Variants in R3HDM1 observed in about 807,000 individuals in gnomAD.
R3HDM1 encodes R3H domain-containing protein 1.
In R3HDM1, 46 loss-of-function variants were observed where a neutral mutation model predicts 141.1. That is an observed-to-expected ratio of 0.33 (90% CI 0.26 to 0.42). R3HDM1 has a LOEUF of 0.42. R3HDM1 is among the 10% of genes least tolerant of loss of function. The probability of loss-of-function intolerance (pLI) is 1.00; values close to 1 mark genes in which losing one functional copy is unlikely to be tolerated. For synonymous variants in R3HDM1, 435 were observed against 472.9 expected, an observed-to-expected ratio of 0.92 and a Z score of 1.04; for missense variants, 1,184 against 1,368.3, an observed-to-expected ratio of 0.87 and a Z score of 2.12.
At chr2:135,582,400 G>A (rs376987479) in intron 1 of R3HDM1, among the ~76,000 whole-genome samples, 1 of 152,160 alleles carries the variant, frequency 6.6e-6, no homozygotes, top group East Asian at 1.9e-4. Context: ...TGGATCATAG[G>A]AAGTGAATTT....
At chr2:135,572,735 TAATC>T (rs144033632) in intron 1 of R3HDM1, among the ~76,000 whole-genome samples, 11,786 of 152,196 alleles carry the variant, frequency 0.077, 1,503 homozygotes, top group African/African-American at 0.27. Context: ...ATATTTATAA[TAATC>T]AATAGATGGA....
chr2:135,649,013 T>C (rs990502265), intron 16 of R3HDM1: 5 of 151,996 alleles, frequency 3.3e-5, no homozygotes, highest in African/African-American at 9.7e-5. Context: ...TATATGTGTT[T>C]GTTGTTCCTT....
At chr2:135,537,045 T>C (rs2104880011) in intron 1 of R3HDM1, among the ~76,000 whole-genome samples, 1 of 152,230 alleles carries the variant, frequency 6.6e-6, no homozygotes, top group African/African-American at 2.4e-5. Flanking sequence ...GGTTGGGGAC[T>C]GCTGCTCTTA....
intron 1 of R3HDM1, among the ~76,000 whole-genome samples, chr2:135,554,784 T>G (rs1381692351): frequency 6.6e-6 from 1 of 152,168 alleles, no homozygotes; most frequent in Non-Finnish European, 1.5e-5. Flanking sequence ...CAGATCCTAC[T>G]TGACCATTTT....
intron 23 of R3HDM1, among the ~76,000 whole-genome samples, chr2:135,712,781 C>T (rs1424107455): frequency 6.6e-6 from 1 of 151,470 alleles, no homozygotes; most frequent in Non-Finnish European, 1.5e-5. Flanking sequence ...ATTAGCTGGG[C>T]GTGGTGGTGG....
chr2:135,619,520 C>T (rs915973566), intron 5 of R3HDM1, among the ~76,000 whole-genome samples: 19 of 152,074 alleles, frequency 1.2e-4, no homozygotes, highest in African/African-American at 4.1e-4. Flanking sequence ...TATATTCTTT[C>T]TCAGTTTCTC....
At chr2:135,636,509 A>G (rs1407238734) in intron 11 of R3HDM1, among the ~76,000 whole-genome samples, 1 of 152,102 alleles carries the variant, frequency 6.6e-6, no homozygotes, top group Non-Finnish European at 1.5e-5. Context: ...ATTAATAGAA[A>G]TTGCTCCACT....
chr2:135,651,807 C>T lies in R3HDM1; in HGVS notation c.1803C>T (p.Ala601=), dbSNP rs147519491. Reference sequence around the variant, plus strand: ...CTGCTGATGGTTCTGACCCTCATGCCGCCATGTTCCAGTCCACTGTGGTTC... The same window carrying T: ...CTGCTGATGGTTCTGACCCTCATGCTGCCATGTTCCAGTCCACTGTGGTTC... ...QPSADGSDPH[A]AMFQSTVVLQ... Residue 601 remains alanine, a synonymous_variant, in exon 18 of 27, where the codon GCC becomes GCT. Coordinates refer to ENST00000683871, the MANE Select transcript of R3HDM1 (RefSeq NM_001378107.1). 60 of 1,614,084 alleles carry T rather than the reference C, an allele frequency of 3.7e-5. No individual in the cohort carries two copies. The highest frequency in any genetic ancestry group is 2.9e-4 in the African/African-American group (22 of 75,012).
intron 18 of R3HDM1, among the ~76,000 whole-genome samples, chr2:135,660,859 A>C (rs2066609536): frequency 1.3e-5 from 2 of 151,216 alleles, no homozygotes; most frequent in Non-Finnish European, 2.9e-5. Flanking sequence ...AAAAAAAAAA[A>C]CCTAAAAATA....
intron 21 of R3HDM1, among the ~76,000 whole-genome samples, chr2:135,694,103 C>T (rs1277036856): frequency 1.3e-5 from 2 of 152,176 alleles, no homozygotes; most frequent in Non-Finnish European, 2.9e-5. Flanking sequence ...TAGATTTTTA[C>T]AGCTTTTATT....
rs76301999 is a variant in R3HDM1, at chr2:135,712,454, T to A, written c.2736+2223T>A. On this transcript the variant is annotated intron_variant, in intron 23 of 26. Transcript: ENST00000683871. Reference sequence around the variant, plus strand: ...TTTTTTTTTTTTTTTTTTTTTTTTATAGAGATGGGGTATTGCCGTGTTGCC... The same window carrying A: ...TTTTTTTTTTTTTTTTTTTTTTTTAAAGAGATGGGGTATTGCCGTGTTGCC... Among the ~76,000 whole-genome samples, 1,547 of 116,026 alleles carry A rather than the reference T, an allele frequency of 0.013. 98 individuals carry two copies. In the East Asian group the frequency reaches 0.2, roughly 15 times the overall value. The allele number at this position is 116,026 out of a possible 152,430, so 76.1% of individuals were successfully genotyped here. A position where few individuals can be genotyped will look rare whatever the true frequency, so the allele number is the denominator to read the frequency against.
intron 5 of R3HDM1, among the ~76,000 whole-genome samples, chr2:135,618,164 A>ATT (rs200816941): frequency 3.5e-5 from 5 of 141,070 alleles, no homozygotes; most frequent in Admixed American, 7.1e-5. Flanking sequence ...TTAATTTATG[A>ATT]TTTTTTTTTT....
chr2:135,704,613 G>C (rs1392381864), intron 21 of R3HDM1, among the ~76,000 whole-genome samples: 2 of 151,856 alleles, frequency 1.3e-5, no homozygotes, highest in Non-Finnish European at 1.5e-5. Flanking sequence ...TGGGATTACA[G>C]TCATGCACCA....
chr2:135,579,417 A>G (rs1486517932), intron 1 of R3HDM1, among the ~76,000 whole-genome samples: 2 of 152,196 alleles, frequency 1.3e-5, no homozygotes, highest in Non-Finnish European at 2.9e-5. Flanking sequence ...GCATAGATGA[A>G]AAGAGAGAAA....
At chr2:135,556,448 T>G (rs2104944269) in intron 1 of R3HDM1, among the ~76,000 whole-genome samples, 1 of 151,950 alleles carries the variant, frequency 6.6e-6, no homozygotes, top group South Asian at 2.1e-4. Context: ...AATGAAAAAA[T>G]CAACTAGACC....
intron 7 of R3HDM1, among the ~76,000 whole-genome samples, chr2:135,626,023 T>C (rs1157858299): frequency 6.6e-6 from 1 of 152,176 alleles, no homozygotes; most frequent in African/African-American, 2.4e-5. Context: ...AAGCTGGTAG[T>C]CAGAAGTTCC....
Position 135,598,320 on chromosome 2 carries a change from C to T in R3HDM1, c.-249-4180C>T, listed in dbSNP as rs144660275. ...TTCTGATAGTTTGGTAGTGATTACTCCTGGTGACCATTAATACAAAGTTAA... is the reference window on the plus strand; with the variant it reads ...TTCTGATAGTTTGGTAGTGATTACTTCTGGTGACCATTAATACAAAGTTAA... On this transcript the variant is annotated intron_variant, in intron 1 of 26. Coordinates refer to ENST00000683871, the MANE Select transcript of R3HDM1 (RefSeq NM_001378107.1). Among the ~76,000 whole-genome samples, 3 of 152,214 alleles carry T rather than the reference C, an allele frequency of 2.0e-5. No homozygotes were observed. The East Asian group carries it at 5.8e-4, about 29-fold the overall frequency.
chr2:135,581,619 G>T (rs1016244057), intron 1 of R3HDM1, among the ~76,000 whole-genome samples: 1 of 152,208 alleles, frequency 6.6e-6, no homozygotes, highest in African/African-American at 2.4e-5. Context: ...TGGTGAACAA[G>T]AGTAGAAATT....
At chr2:135,547,449 A>AT (rs932112194) in intron 1 of R3HDM1, among the ~76,000 whole-genome samples, 74 of 141,234 alleles carry the variant, frequency 5.2e-4, no homozygotes, top group Non-Finnish European at 9.5e-4. Context: ...ACTGTCTTCG[A>AT]TTTTTTTTTC....
Sources: gnomAD v4.1 joint callset for allele counts (sites outside exome capture counted in the v4.1 genomes callset) on GRCh38, gnomAD v4.1.1 for gene constraint, MANE v1.5 for transcripts, NCBI Gene and HGNC (gene_info 2026-07-23, HGNC 2026-07-21) for gene names.